XKR6: variants seen among roughly 807,000 people sequenced by gnomAD.
XKR6 encodes the protein XK related 6.
XKR6 carries 22 observed loss-of-function variants against 56.7 expected under a neutral mutation model. That is an observed-to-expected ratio of 0.39 (90% CI 0.28 to 0.55). The LOEUF is 0.55. Ranked by LOEUF, XKR6 falls within the 20% of genes least tolerant of loss-of-function variation. The pLI is 0.66. For synonymous variants in XKR6, 524 were observed against 387.8 expected (o/e 1.35, Z -4.13); for missense variants, 852 against 889.0 (o/e 0.96, Z 0.53).
At chr8:11,038,423 G>A (rs946553186) in intron 1 of XKR6, among the ~76,000 whole-genome samples, 1 of 152,002 alleles carries the variant, frequency 6.6e-6, no homozygotes, top group Non-Finnish European at 1.5e-5. Flanking sequence ...CACATTGTGT[G>A]GAGAGGCACG....
chr8:10,946,917 G>C (rs1216280409), intron 1 of XKR6, among the ~76,000 whole-genome samples: 2 of 152,296 alleles, frequency 1.3e-5, no homozygotes, highest in East Asian at 1.9e-4. Flanking sequence ...AAGGGAAAGA[G>C]GGTGCTCCAG....
chr8:11,160,203 A>AATAAAAGT (rs1563183500), intron 1 of XKR6, among the ~76,000 whole-genome samples: 1 of 152,084 alleles, frequency 6.6e-6, no homozygotes, highest in Non-Finnish European at 1.5e-5. Context: ...TCAGAAACAA[A>AATAAAAGT]AAAAAAGTAA....
chr8:11,077,073 G>C (rs565966094), intron 1 of XKR6, among the ~76,000 whole-genome samples: 28 of 152,108 alleles, frequency 1.8e-4, no homozygotes, highest in Non-Finnish European at 3.4e-4. Flanking sequence ...CTACTCAAGA[G>C]GCTGAGGCAG....
intron 1 of XKR6, among the ~76,000 whole-genome samples, chr8:11,069,528 C>G (rs964998260): frequency 5.3e-5 from 8 of 152,192 alleles, no homozygotes; most frequent in Non-Finnish European, 1.2e-4. Flanking sequence ...TCTGATGACC[C>G]TCATGATGGG....
At chr8:10,948,685 C>A (rs1299210781) in intron 1 of XKR6, among the ~76,000 whole-genome samples, 1 of 152,104 alleles carries the variant, frequency 6.6e-6, no homozygotes, top group East Asian at 1.9e-4. Context: ...TCCTATAGCA[C>A]CCCCTGCCAG....
At chr8:11,056,933 C>A (rs1799699787) in intron 1 of XKR6, among the ~76,000 whole-genome samples, 2 of 152,182 alleles carry the variant, frequency 1.3e-5, no homozygotes, top group Admixed American at 1.3e-4. Context: ...CCAGTCCAGG[C>A]TAAGAAACCC....
At chr8:10,955,527 A>G (rs1251131908) in intron 1 of XKR6, among the ~76,000 whole-genome samples, 1 of 152,296 alleles carries the variant, frequency 6.6e-6, no homozygotes, top group East Asian at 1.9e-4. Flanking sequence ...ACTCTAAGTC[A>G]GATATGGGTC....
chr8:11,197,486 A>G (rs778709377), intron 1 of XKR6, among the ~76,000 whole-genome samples: 1 of 152,260 alleles, frequency 6.6e-6, no homozygotes, highest in Non-Finnish European at 1.5e-5. Context: ...AACACATTGT[A>G]CAAAAGTGAA....
At chr8:11,160,956 A>G (rs1310375355) in intron 1 of XKR6, among the ~76,000 whole-genome samples, 3 of 151,246 alleles carry the variant, frequency 2.0e-5, no homozygotes, top group Non-Finnish European at 2.9e-5. Context: ...TCACACATTC[A>G]GAAACAGAAT....
intron 2 of XKR6, among the ~76,000 whole-genome samples, chr8:10,911,207 T>TGC (rs1226069991): frequency 1.4e-5 from 2 of 140,918 alleles, no homozygotes; most frequent in South Asian, 4.4e-4. Context: ...TGCGTGTGTG[T>TGC]GTGTGTGTGT....
intron 1 of XKR6, among the ~76,000 whole-genome samples, chr8:11,132,489 G>C (rs905571324): frequency 1.3e-5 from 2 of 151,760 alleles, no homozygotes; most frequent in Non-Finnish European, 2.9e-5. Flanking sequence ...AGCCTCCCGA[G>C]TAGCTGGGAT....
intron 1 of XKR6, among the ~76,000 whole-genome samples, chr8:10,997,768 G>A (rs549059422): frequency 6.6e-6 from 1 of 152,244 alleles, no homozygotes; most frequent in African/African-American, 2.4e-5. Flanking sequence ...GAAGGAGCAG[G>A]AGCTAAACAA....
chr8:11,035,171 C>T (rs1326000299), intron 1 of XKR6: 2 of 534,326 alleles, frequency 3.7e-6, no homozygotes, highest in African/African-American at 1.9e-5. Context: ...AGTCTCGTGC[C>T]CAGCCCAGCG....
intron 1 of XKR6, among the ~76,000 whole-genome samples, chr8:11,190,633 G>A (rs778927444): frequency 6.6e-6 from 1 of 152,176 alleles, no homozygotes; most frequent in African/African-American, 2.4e-5. Flanking sequence ...TAACACATTA[G>A]ACTAGACATC....
chr8:11,183,775 G>A (rs938288592), intron 1 of XKR6, among the ~76,000 whole-genome samples: 3 of 152,120 alleles, frequency 2.0e-5, no homozygotes, highest in Non-Finnish European at 2.9e-5. Context: ...CCCTAAATAC[G>A]GTTTTTGGAA....
At chr8:10,974,461 A>G (rs10093514) in intron 1 of XKR6, among the ~76,000 whole-genome samples, 70,520 of 151,976 alleles carry the variant, frequency 0.46, 19,255 homozygotes, top group African/African-American at 0.76. Context: ...AAAGGCTACC[A>G]TCTCCCTGAC....
At chr8:10,997,629 G>A (rs544306496) in intron 1 of XKR6, among the ~76,000 whole-genome samples, 26 of 152,336 alleles carry the variant, frequency 1.7e-4, no homozygotes, top group Non-Finnish European at 3.1e-4. Flanking sequence ...CTAGAGTCAT[G>A]AGCCTCTGCA....
intron 1 of XKR6, among the ~76,000 whole-genome samples, chr8:10,948,960 C>T (rs923896038): frequency 4.6e-5 from 7 of 152,248 alleles, no homozygotes; most frequent in Non-Finnish European, 7.3e-5. Flanking sequence ...CCCAGCCCTG[C>T]CCTGGGCGGT....
At chr8:11,099,879 A>G (rs1260203773) in intron 1 of XKR6, among the ~76,000 whole-genome samples, 3 of 152,178 alleles carry the variant, frequency 2.0e-5, no homozygotes, top group Non-Finnish European at 4.4e-5. Context: ...CTCTCTGCGG[A>G]GGAGACAATT....
Sources: gnomAD v4.1 joint callset for allele counts (sites outside exome capture counted in the v4.1 genomes callset) on GRCh38, gnomAD v4.1.1 for gene constraint, MANE v1.5 for transcripts, NCBI Gene and HGNC (gene_info 2026-07-23, HGNC 2026-07-21) for gene names.